PSEN1: variants seen among roughly 807,000 people sequenced by gnomAD.
PSEN1 encodes the protein presenilin-1.
Under a neutral mutation model 53.5 loss-of-function variants are expected in PSEN1, and 15 were observed. That is an observed-to-expected ratio of 0.28 (90% CI 0.19 to 0.43). The LOEUF is 0.43. Ranked by LOEUF, PSEN1 falls within the 20% of genes least tolerant of loss-of-function variation. PSEN1 has a pLI of 1.00. For missense variants in PSEN1, 387 were observed against 571.2 expected (o/e 0.68, Z 3.29); for synonymous variants, 208 against 209.8 (o/e 0.99, Z 0.08).
intron 5 of PSEN1, 55 bp downstream of exon 5, chr14:73,173,762 A>G (rs1312034178): frequency 6.3e-7 from 1 of 1,583,070 alleles, no homozygotes; most frequent in East Asian, 2.2e-5. Flanking sequence ...ATGGTTGGGT[A>G]TTCTTGTCAC....
At position 73,192,740 on chromosome 14, in the gene PSEN1, G is replaced by A; in HGVS notation, c.645G>A (p.Trp215Ter). The change falls in exon 7 of 12, where the codon TGG (tryptophan) becomes TGA (stop). Residue 215 changes from tryptophan to a stop codon, truncating the protein, a stop_gained. Transcript: ENST00000324501. LOFTEE classifies it high-confidence loss of function. ...FGVVGMISIHWKGPLRLQQAY... is the reference protein window; with the variant it reads ...FGVVGMISIH Reference sequence around the variant, plus strand: ...TGGTGGGAATGATTTCCATTCACTGGAAAGGTCCACTTCGACTCCAGCAGG... The same window carrying A: ...TGGTGGGAATGATTTCCATTCACTGAAAAGGTCCACTTCGACTCCAGCAGG... 6.2e-7 allele frequency: 1 copy of A among 1,614,012 alleles called. No homozygotes were observed. Among genetic ancestry groups the A allele is most frequent in the Non-Finnish European group, 8.5e-7 (1 of 1,179,916 alleles).
intron 7 of PSEN1, among the ~76,000 whole-genome samples, chr14:73,195,726 AGAC>A (rs1428509970): frequency 1.3e-5 from 2 of 152,080 alleles, no homozygotes; most frequent in African/African-American, 4.8e-5. Flanking sequence ...CGAGTAGATA[AGAC>A]TACAGGCACA....
chr14:73,219,561 A>G lies in PSEN1; in HGVS notation c.*272A>G, dbSNP rs1900064897. ...ATTTGAGGGACGAGGTCAAGGAGAT[A>G]TGATAGGCCCGGAAGTTGCTGTGCC... is the stretch of plus-strand genomic sequence containing the variant. On this transcript the variant is annotated 3_prime_UTR_variant, in exon 12 of 12. Coordinates refer to ENST00000324501, the MANE Select transcript of PSEN1 (RefSeq NM_000021.4). 1 of 452,308 alleles carries G rather than the reference A, an allele frequency of 2.2e-6. No individual in the cohort carries two copies. Among genetic ancestry groups the G allele is most frequent in the Non-Finnish European group, 4.1e-6 (1 of 244,444 alleles). The allele number at this position is 452,308 out of a possible 1,614,324, so 28.0% of individuals were successfully genotyped here. A position where few individuals can be genotyped will look rare whatever the true frequency, so the allele number is the denominator to read the frequency against.
chr14:73,142,963 C>G (rs1000501786), intron 1 of PSEN1, among the ~76,000 whole-genome samples: 1 of 152,170 alleles, frequency 6.6e-6, no homozygotes, highest in Non-Finnish European at 1.5e-5. Context: ...TGTCCCTACT[C>G]CCACCTACTC....
rs150435397 is a variant in PSEN1, at chr14:73,143,102, G to C, written c.-135-4693G>C. ...CCTAGTGTCTTTTGCCACGCTGCCTGAACAGTGGGGTCATTGACCGCCATG... is the reference window on the plus strand; with the variant it reads ...CCTAGTGTCTTTTGCCACGCTGCCTCAACAGTGGGGTCATTGACCGCCATG... On this transcript the variant is annotated intron_variant, in intron 1 of 11. Coordinates refer to ENST00000324501, the MANE Select transcript of PSEN1 (RefSeq NM_000021.4). 3.1e-3 allele frequency among the ~76,000 whole-genome samples: 477 copies of C among 152,324 alleles called. 2 individuals are homozygous for C. Among genetic ancestry groups the C allele is most frequent in the African/African-American group, 8.7e-3 (362 of 41,570 alleles).
chr14:73,157,812 C>A (rs1476885584), intron 3 of PSEN1, among the ~76,000 whole-genome samples: 1 of 151,906 alleles, frequency 6.6e-6, no homozygotes, highest in Admixed American at 6.6e-5. Flanking sequence ...AACATGAAAC[C>A]CCTTCTCTAT....
rs1282245337 is a variant in PSEN1, at chr14:73,220,844, G to A, written c.*1555G>A. The A allele has an allele frequency of 6.6e-6, 1 of 152,270 alleles. No homozygotes were observed. The highest frequency in any genetic ancestry group is 1.5e-5 in the Non-Finnish European group (1 of 68,136). The allele number at this position is 152,270 out of a possible 1,614,324, so 9.4% of individuals were successfully genotyped here. On this transcript the variant is annotated 3_prime_UTR_variant, in exon 12 of 12. Coordinates refer to ENST00000324501, the MANE Select transcript of PSEN1 (RefSeq NM_000021.4). ...AGCCATCAGCCTGTGTGGGCTCAGG[G>A]CACCTCTGGACAAAGGCTTGTGGGG...
At chr14:73,162,881 G>T (rs1214157818) in intron 3 of PSEN1, among the ~76,000 whole-genome samples, 1 of 152,132 alleles carries the variant, frequency 6.6e-6, no homozygotes, top group Non-Finnish European at 1.5e-5. Context: ...TAGGAAACTA[G>T]GTATATATTA....
chr14:73,148,233 G>A (rs904422500), intron 3 of PSEN1, 127 bp downstream of exon 3: 1 of 780,062 alleles, frequency 1.3e-6, no homozygotes, highest in Admixed American at 2.0e-5. Flanking sequence ...AATATATTTG[G>A]TGAACTTCAG....
In PSEN1 at chr14:73,185,623, A is replaced by T. The variant is rs182591718; in HGVS notation, c.481-1230A>T. On this transcript the variant is annotated intron_variant, in intron 5 of 11. Coordinates refer to ENST00000324501, the MANE Select transcript of PSEN1 (RefSeq NM_000021.4). ...AGGGAGACCGTGGGGAGAGAGAGGGAGAGGGAGAGGGAGAGCGCTTAAAAC... is the reference window on the plus strand; with the variant it reads ...AGGGAGACCGTGGGGAGAGAGAGGGTGAGGGAGAGGGAGAGCGCTTAAAAC... Among the ~76,000 whole-genome samples the T allele has an allele frequency of 3.1e-3, 477 of 152,296 alleles. 2 individuals carry two copies. The highest frequency in any genetic ancestry group is 8.7e-3 in the African/African-American group (362 of 41,570).
At chr14:73,167,107 T>C (rs1023893642) in intron 3 of PSEN1, among the ~76,000 whole-genome samples, 1 of 151,182 alleles carries the variant, frequency 6.6e-6, no homozygotes, top group Non-Finnish European at 1.5e-5. Flanking sequence ...TTTATTCAGC[T>C]CATGGTTCTT....
rs547708731 is a variant in PSEN1 at position 73,142,052 on chromosome 14, G to A, written c.-136+5469G>A. ...ACTGCACTCCAGCCTGGGCGACAGA[G>A]GGAGACTCCGTCTCAAAAAAAAAAA... On this transcript the variant is annotated intron_variant, in intron 1 of 11. Transcript: ENST00000324501. Among the ~76,000 whole-genome samples, 4 of 151,362 alleles carry A rather than the reference G, an allele frequency of 2.6e-5. No individual in the cohort carries two copies. In the East Asian group the frequency reaches 7.7e-4, roughly 29 times the overall value.
chr14:73,189,818 T>C, intron 6 of PSEN1: 1 of 254,450 alleles, frequency 3.9e-6, no homozygotes, highest in Middle Eastern at 4.5e-4. Flanking sequence ...CTGAGCAGTG[T>C]GGAGAACATC....
intron 8 of PSEN1, among the ~76,000 whole-genome samples, chr14:73,204,128 C>A (rs1037462844): frequency 6.6e-6 from 1 of 151,946 alleles, no homozygotes; most frequent in Non-Finnish European, 1.5e-5. Context: ...CCTCCCGAGT[C>A]GCCGGGATTA....
intron 7 of PSEN1, among the ~76,000 whole-genome samples, chr14:73,197,477 C>A (rs1246052382): frequency 1.3e-5 from 2 of 152,154 alleles, no homozygotes; most frequent in African/African-American, 4.8e-5. Flanking sequence ...ATTTACTGCC[C>A]TCTTACTTCA....
At chr14:73,186,531 CT>C in intron 5 of PSEN1, among the ~76,000 whole-genome samples, 1 of 152,174 alleles carries the variant, frequency 6.6e-6, no homozygotes, top group African/African-American at 2.4e-5. Flanking sequence ...AATCTCAGCA[CT>C]TTGGGAGTCT....
chr14:73,143,100 C>A (rs1896971361), intron 1 of PSEN1, among the ~76,000 whole-genome samples: 1 of 152,206 alleles, frequency 6.6e-6, no homozygotes, highest in Non-Finnish European at 1.5e-5. Context: ...GCCACGCTGC[C>A]TGAACAGTGG....
intron 6 of PSEN1, 124 bp from the exon 7 acceptor site, chr14:73,192,520 G>A (rs1898763000): frequency 2.3e-5 from 17 of 738,202 alleles, no homozygotes; most frequent in Admixed American, 2.0e-4. Context: ...GTTGATATAG[G>A]TTATGGTAAA....
At chr14:73,185,741 G>A (rs1210866478) in intron 5 of PSEN1, among the ~76,000 whole-genome samples, 3 of 152,248 alleles carry the variant, frequency 2.0e-5, no homozygotes, top group Non-Finnish European at 4.4e-5. Context: ...TAGTAGAGAT[G>A]GGGTTCACCA....
Sources: allele counts gnomAD v4.1 joint callset (sites outside exome capture counted in the v4.1 genomes callset), GRCh38; gene constraint gnomAD v4.1.1; transcripts MANE v1.5; gene names NCBI Gene and HGNC (gene_info 2026-07-23, HGNC 2026-07-21).